The following CAPN2 variants were observed in gnomAD, a reference collection of about 807,000 sequenced individuals.
The protein encoded by CAPN2 is calpain 2, also known as calpain-2 catalytic subunit.
In CAPN2, 92 loss-of-function variants were observed where a neutral mutation model predicts 102.3. The ratio of observed to expected loss-of-function variants is 0.90; its 90% CI spans 0.76 to 1.07. CAPN2 has a LOEUF of 1.07. CAPN2 is among the 50% of genes least tolerant of loss of function. CAPN2 has a pLI of 0.00. For missense variants in CAPN2, 800 were observed against 909.4 expected, an observed-to-expected ratio of 0.88 and a Z score of 1.55; for synonymous variants, 340 against 355.4, an observed-to-expected ratio of 0.96 and a Z score of 0.49.
At chr1:223,714,034 A>G (rs1346996648) in intron 1 of CAPN2, among the ~76,000 whole-genome samples, 1 of 152,186 alleles carries the variant, frequency 6.6e-6, no homozygotes, top group African/African-American at 2.4e-5. Context: ...CTCACCAGCA[A>G]GGCACGCTGT....
chr1:223,737,721 G>GTTA (rs146144248), intron 2 of CAPN2, among the ~76,000 whole-genome samples: 1 of 70,220 alleles, frequency 1.4e-5, no homozygotes, highest in East Asian at 3.2e-4. Context: ...GGGTGGGGGG[G>GTTA]AGAGAATACA....
intron 14 of CAPN2, among the ~76,000 whole-genome samples, chr1:223,762,672 C>T (rs1418453802): frequency 6.6e-6 from 1 of 152,080 alleles, no homozygotes; most frequent in East Asian, 1.9e-4. Context: ...TTTCTGTTCT[C>T]TTTTCTTTTT....
intron 20 of CAPN2, 185 bp downstream of exon 20, chr1:223,772,424 C>A (rs1312992459): frequency 1.8e-6 from 1 of 563,452 alleles, no homozygotes; most frequent in Non-Finnish European, 3.2e-6. Flanking sequence ...TTTCCAACCA[C>A]CTATTCTCAA....
intron 2 of CAPN2, among the ~76,000 whole-genome samples, chr1:223,743,241 C>T (rs1660668905): frequency 6.6e-6 from 1 of 152,194 alleles, no homozygotes; most frequent in Non-Finnish European, 1.5e-5. Flanking sequence ...CTCGTTGTGC[C>T]CATCCTTGTC....
intron 1 of CAPN2, among the ~76,000 whole-genome samples, chr1:223,716,693 G>A (rs1659880598): frequency 6.6e-6 from 1 of 151,946 alleles, no homozygotes; most frequent in Non-Finnish European, 1.5e-5. Flanking sequence ...GCTCCTTCAA[G>A]GCAAGGTTGC....
intron 15 of CAPN2, 88 bp downstream of exon 15, chr1:223,764,295 G>T (rs1661259902): frequency 1.7e-6 from 2 of 1,174,452 alleles, no homozygotes; most frequent in Middle Eastern, 1.9e-4. Context: ...TCCATGTCTG[G>T]CTGCTGTGAC....
chr1:223,714,078 A>C (rs552701024), intron 1 of CAPN2, among the ~76,000 whole-genome samples: 18 of 151,994 alleles, frequency 1.2e-4, no homozygotes, highest in African/African-American at 3.9e-4. Context: ...ATTCTTCCCA[A>C]CTTAGTCACA....
At chr1:223,748,977 C>A in intron 5 of CAPN2, 62 bp from the exon 6 acceptor site, 1 of 1,456,490 alleles carries the variant, frequency 6.9e-7, no homozygotes, top group Non-Finnish European at 9.6e-7. Flanking sequence ...ACAGAGGGAG[C>A]GAGGGAGTCC....
rs761077776 is a variant in CAPN2 at position 223,771,877 on chromosome 1, G to C, written c.1972G>C (p.Asp658His). Reference sequence around the variant, plus strand: ...GTTTGCAGATGACCAGCTCATCATCGATTTTGATAATTTTGTTCGGTGTTT... The same window carrying C: ...GTTTGCAGATGACCAGCTCATCATCCATTTTGATAATTTTGTTCGGTGTTT... ...ARFADDQLII[D>H]FDNFVRCLVR... Residue 658 changes from aspartate (D) to histidine (H), a missense_variant, in exon 19 of 21, where the codon GAT (aspartate) becomes CAT (histidine). Physicochemically the swap from Asp to His is moderately conservative, Grantham distance 81. Transcript: ENST00000295006. The C allele has an allele frequency of 2.0e-5, 32 of 1,613,988 alleles. No homozygotes were observed. Among genetic ancestry groups the C allele is most frequent in the Non-Finnish European group, 2.3e-5 (27 of 1,179,996 alleles).
chr1:223,730,876 A>G (rs1328228801), intron 2 of CAPN2, among the ~76,000 whole-genome samples: 2 of 152,154 alleles, frequency 1.3e-5, no homozygotes, highest in African/African-American at 4.8e-5. Flanking sequence ...GACTTGCAAT[A>G]TTTTCAACTT....
chr1:223,750,188 CATA>C (rs1414140286), intron 6 of CAPN2, among the ~76,000 whole-genome samples: 3 of 152,126 alleles, frequency 2.0e-5, no homozygotes, highest in Non-Finnish European at 2.9e-5. Context: ...GAAAGACTAA[CATA>C]ATAACTATCC....
chr1:223,708,780 A>G (rs924431120), upstream of CAPN2, among the ~76,000 whole-genome samples: 10 of 150,032 alleles, frequency 6.7e-5, no homozygotes, highest in African/African-American at 2.2e-4. Context: ...GAAAGAGCGA[A>G]AGAGAGAGAG....
chr1:223,730,000 C>T (rs917013185), intron 2 of CAPN2, among the ~76,000 whole-genome samples: 25 of 129,804 alleles, frequency 1.9e-4, no homozygotes, highest in African/African-American at 7.6e-4. Flanking sequence ...AAGACTCGCT[C>T]CCAAAAAACC....
chr1:223,711,983 C>T (rs767400376), upstream of CAPN2, among the ~76,000 whole-genome samples: 5 of 152,198 alleles, frequency 3.3e-5, no homozygotes, highest in Admixed American at 6.5e-5. Flanking sequence ...AATAGGCCTC[C>T]GGTGGCTTAG....
intron 2 of CAPN2, among the ~76,000 whole-genome samples, chr1:223,735,401 G>A (rs1179487642): frequency 6.6e-6 from 1 of 151,852 alleles, no homozygotes; most frequent in Non-Finnish European, 1.5e-5. Context: ...GGTGGTGGGC[G>A]CCTGTAATCC....
At chr1:223,772,312 TGATCTGC>T in intron 20 of CAPN2, 73 bp downstream of exon 20, 2 of 1,324,878 alleles carry the variant, frequency 1.5e-6, no homozygotes, top group Admixed American at 3.4e-5. Context: ...GTTACTTGAG[TGATCTGC>T]TTTTTCAAGT....
At position 223,762,188 on chromosome 1, in the gene CAPN2, C is replaced by T. The variant is rs536760820; in HGVS notation, c.1569C>T (p.Phe523=). 221 of 1,613,246 alleles carry T rather than the reference C, an allele frequency of 1.4e-4. No individual in the cohort carries two copies. The highest frequency in any genetic ancestry group is 1.8e-4 in the Non-Finnish European group (207 of 1,179,506). ...DDEIEANLEE[F]DISEDDIDDG... ...CATGTCTCTGCCTCACCTTCCAGTTCGACATCAGCGAGGATGACATTGATG... is the reference window on the plus strand; with the variant it reads ...CATGTCTCTGCCTCACCTTCCAGTTTGACATCAGCGAGGATGACATTGATG... The change falls in exon 14 of 21, where the codon TTC becomes TTT. Residue 523 remains phenylalanine (F), a splice_region_variant and synonymous_variant. Coordinates refer to ENST00000295006, the MANE Select transcript of CAPN2 (RefSeq NM_001748.5).
rs1661608441 is a variant in CAPN2, at chr1:223,775,962, G to T, written c.*1105G>T. On this transcript the variant is annotated 3_prime_UTR_variant, in exon 21 of 21. Transcript: ENST00000295006. ...CCTCTGTAAATTCATGTATTCAAAG[G>T]AAAAGACACCTTGCCTATAATTAAA... 1 of 152,498 alleles carries T rather than the reference G, an allele frequency of 6.6e-6. No homozygotes were observed. Among genetic ancestry groups the T allele is most frequent in the African/African-American group, 2.4e-5 (1 of 41,412 alleles). 9.4% of individuals were successfully genotyped at this position (152,498 alleles called of 1,614,324 possible).
At chr1:223,751,960 C>T (rs556506777) in intron 7 of CAPN2, 37 bp from the exon 8 acceptor site, 25 of 1,408,142 alleles carry the variant, frequency 1.8e-5, no homozygotes, top group Non-Finnish European at 2.3e-5. Context: ...GAGAAATCAT[C>T]GTACACTAAC....
Sources: allele counts gnomAD v4.1 joint callset (sites outside exome capture counted in the v4.1 genomes callset), GRCh38; gene constraint gnomAD v4.1.1; transcripts MANE v1.5; gene names NCBI Gene and HGNC (gene_info 2026-07-23, HGNC 2026-07-21).